The following MTNR1A variants were observed in gnomAD, a reference collection of about 807,000 sequenced individuals.
MTNR1A encodes melatonin receptor 1A.
In MTNR1A, 7 loss-of-function variants were observed where a neutral mutation model predicts 5.5. That is an observed-to-expected ratio of 1.28 (90% confidence interval 0.73 to 2.40). MTNR1A has a LOEUF of 2.40. MTNR1A is among the 30% of genes most tolerant of loss of function. The probability of loss-of-function intolerance (pLI) is 0.00; values close to 1 mark genes in which losing one functional copy is unlikely to be tolerated. For synonymous variants in MTNR1A, 196 were observed against 202.7 expected, an observed-to-expected ratio of 0.97 and a Z score of 0.28; for missense variants, 441 against 464.4, an observed-to-expected ratio of 0.95 and a Z score of 0.46.
At chr4:186,549,311 T>G (rs73024781) in intron 1 of MTNR1A, among the ~76,000 whole-genome samples, 1,798 of 152,310 alleles carry the variant, frequency 0.012, 36 homozygotes, top group African/African-American at 0.04. Context: ...TAATAACTAT[T>G]TGAGAAAACA....
intron 1 of MTNR1A, among the ~76,000 whole-genome samples, chr4:186,545,567 C>G (rs1332910433): frequency 6.6e-6 from 1 of 151,960 alleles, no homozygotes; most frequent in Non-Finnish European, 1.5e-5. Context: ...GCAGAAATTA[C>G]TTGCTCTTCC....
At chr4:186,550,510 G>C (rs1737247932) in intron 1 of MTNR1A, among the ~76,000 whole-genome samples, 1 of 152,204 alleles carries the variant, frequency 6.6e-6, no homozygotes, top group African/African-American at 2.4e-5. Flanking sequence ...GGCAGAATGA[G>C]CTCCAAAGAC....
intron 1 of MTNR1A, among the ~76,000 whole-genome samples, chr4:186,546,664 TCACACCCTGTTCATGCCACCCACAC>T (rs1440324600): frequency 5.1e-5 from 7 of 137,238 alleles, no homozygotes; most frequent in African/African-American, 1.8e-4. Flanking sequence ...GCCACCCACA[TCACACCCTGTTCATGCCACCCACAC>T]CACACCTGTT....
chr4:186,550,482 A>G (rs954596782), intron 1 of MTNR1A, among the ~76,000 whole-genome samples: 1 of 152,230 alleles, frequency 6.6e-6, no homozygotes, highest in Non-Finnish European at 1.5e-5. Context: ...TATTTTTAAA[A>G]GGTGCTAAGG....
chr4:186,534,140 A>G lies in MTNR1A; in HGVS notation c.602T>C (p.Ile201Thr). ...TCTCAGGTAACAGAAGATGACTATGATCATGGGGACGAGGAAGTGGAAAAC... is the reference window on the plus strand; with the variant it reads ...TCTCAGGTAACAGAAGATGACTATGGTCATGGGGACGAGGAAGTGGAAAAC... ...VVVFHFLVPMIIVIFCYLRIW... is the reference protein window; with the variant it reads ...VVVFHFLVPMTIVIFCYLRIW... Residue 201 changes from isoleucine (I) to threonine (T), a missense_variant, in exon 2 of 2, where the codon ATC becomes ACC. Ile to Thr is a moderately conservative substitution (Grantham distance 89). Coordinates refer to ENST00000307161, the MANE Select transcript of MTNR1A (RefSeq NM_005958.4). 4 of 1,613,830 alleles carry G rather than the reference A, an allele frequency of 2.5e-6. No homozygotes were observed. Among genetic ancestry groups the G allele is most frequent in the Non-Finnish European group, 3.4e-6 (4 of 1,179,756 alleles).
Position 186,543,758 on chromosome 4 carries a change from C to T in MTNR1A, c.185-9201G>A, listed in dbSNP as rs187479678. 6.1e-3 allele frequency among the ~76,000 whole-genome samples: 934 copies of T among 152,240 alleles called. 7 individuals carry two copies. The highest frequency in any genetic ancestry group is 0.011 in the Non-Finnish European group (744 of 68,020). ...GGGTTAATGTATTTTCAATTTTACA[C>T]GGGATAGTTGCTTTGTTAGATGGAA... On this transcript the variant is annotated intron_variant, in intron 1 of 1. Transcript: ENST00000307161.
intron 1 of MTNR1A, among the ~76,000 whole-genome samples, chr4:186,543,435 A>G (rs1419115305): frequency 1.3e-5 from 2 of 152,256 alleles, no homozygotes; most frequent in African/African-American, 4.8e-5. Context: ...AGAGGAAATG[A>G]GGAGGGAATG....
intron 1 of MTNR1A, among the ~76,000 whole-genome samples, chr4:186,548,065 T>C (rs1737194050): frequency 6.6e-6 from 1 of 152,070 alleles, no homozygotes; most frequent in Non-Finnish European, 1.5e-5. Context: ...GATGAAACTT[T>C]AACAAAAACA....
chr4:186,533,709 C>T lies in MTNR1A; in HGVS notation c.1033G>A (p.Val345Ile), dbSNP rs200192631. 1.9e-4 allele frequency: 308 copies of T among 1,614,060 alleles called. 1 individual carries two copies. Among genetic ancestry groups the T allele is most frequent in the Middle Eastern group, 1.3e-3 (8 of 6,062 alleles). The change falls in exon 2 of 2, where the codon GTA becomes ATA. Residue 345 changes from valine (V) to isoleucine (I), a missense_variant. By Grantham distance (29) the Val-to-Ile change is conservative. Coordinates refer to ENST00000307161, the MANE Select transcript of MTNR1A (RefSeq NM_005958.4). Reference sequence around the variant, plus strand: ...CTTTTTTAAACGGAGTCCACCTTTACTACATTATTGTTGGTCATCAGTGGA... The same window carrying T: ...CTTTTTTAAACGGAGTCCACCTTTATTACATTATTGTTGGTCATCAGTGGA... ...PSPLMTNNNV[V>I]KVDSV is the part of the protein sequence containing the mutation.
chr4:186,537,983 T>A (rs550691051), intron 1 of MTNR1A, among the ~76,000 whole-genome samples: 26 of 152,342 alleles, frequency 1.7e-4, no homozygotes, highest in Admixed American at 1.5e-3. Context: ...TTCCCAGGAA[T>A]AAAACCTTAA....
chr4:186,549,821 G>A (rs1228038807), intron 1 of MTNR1A, among the ~76,000 whole-genome samples: 2 of 152,138 alleles, frequency 1.3e-5, no homozygotes, highest in African/African-American at 4.8e-5. Context: ...TTTACATTCT[G>A]CCTTATACTC....
intron 1 of MTNR1A, among the ~76,000 whole-genome samples, chr4:186,547,642 C>T (rs1237487116): frequency 6.6e-6 from 1 of 152,226 alleles, no homozygotes; most frequent in Non-Finnish European, 1.5e-5. Context: ...CTCTAGTTCC[C>T]CACCTGTTCT....
chr4:186,534,150 C>G lies in MTNR1A; in HGVS notation c.592G>C (p.Val198Leu), dbSNP rs201798233. The change falls in exon 2 of 2, where the codon GTC becomes CTC. Residue 198 changes from valine (V) to leucine (L), a missense_variant. Physicochemically the swap from Val to Leu is conservative, Grantham distance 32 (BLOSUM62 1). Transcript: ENST00000307161. ...TIAVVVFHFL[V>L]PMIIVIFCYL... The stretch of plus-strand genomic sequence containing the variant: ...CAGAAGATGACTATGATCATGGGGA[C>G]GAGGAAGTGGAAAACCACCACGGCG... The G allele has an allele frequency of 6.2e-7, 1 of 1,613,412 alleles. No individual in the cohort carries two copies. The highest frequency in any genetic ancestry group is 8.5e-7 in the Non-Finnish European group (1 of 1,179,502).
At chr4:186,534,593 C>A in intron 1 of MTNR1A, 36 bp from the exon 2 acceptor site, 1 of 1,599,110 alleles carries the variant, frequency 6.3e-7, no homozygotes, top group East Asian at 2.2e-5. Context: ...CAGTGAATAC[C>A]AGTTCACAGT....
Position 186,534,502 on chromosome 4 carries a change from C to G in MTNR1A, c.240G>C (p.Pro80=), listed in dbSNP as rs149418383. The change falls in exon 2 of 2, where the codon CCG becomes CCC. Residue 80 remains proline, a synonymous_variant. Coordinates refer to ENST00000307161, the MANE Select transcript of MTNR1A (RefSeq NM_005958.4). Reference sequence around the variant, plus strand: ...ATATCGACATCAGCACCAACGGGTACGGATAAATGGCCACCACCAGGTCTG... The same window carrying G: ...ATATCGACATCAGCACCAACGGGTAGGGATAAATGGCCACCACCAGGTCTG... The part of the protein sequence containing the change: ...AVADLVVAIY[P]YPLVLMSIFN... The G allele has an allele frequency of 1.9e-6, 3 of 1,613,880 alleles. No homozygotes were observed. Among genetic ancestry groups the G allele is most frequent in the Middle Eastern group, 1.6e-4 (1 of 6,062 alleles).
intron 1 of MTNR1A, among the ~76,000 whole-genome samples, chr4:186,545,062 C>G (rs1737111794): frequency 6.6e-6 from 1 of 152,174 alleles, no homozygotes; most frequent in Non-Finnish European, 1.5e-5. Context: ...TTTCCCCTGC[C>G]CTGATCTGCT....
At chr4:186,539,895 C>T (rs1736970679) in intron 1 of MTNR1A, among the ~76,000 whole-genome samples, 1 of 152,234 alleles carries the variant, frequency 6.6e-6, no homozygotes, top group Non-Finnish European at 1.5e-5. Context: ...TCTCCATAGA[C>T]ACCCAAATTC....
chr4:186,552,525 G>A (rs993043291), intron 1 of MTNR1A, among the ~76,000 whole-genome samples: 4 of 152,156 alleles, frequency 2.6e-5, no homozygotes, highest in Non-Finnish European at 4.4e-5. Flanking sequence ...TAGGTCTATA[G>A]TGCAATGATT....
At chr4:186,534,587 G>A in intron 1 of MTNR1A, 30 bp from the exon 2 acceptor site, 1 of 1,603,184 alleles carries the variant, frequency 6.2e-7, no homozygotes. Flanking sequence ...AAAATACAGT[G>A]AATACCAGTT....
Sources: gnomAD v4.1 joint callset for allele counts (sites outside exome capture counted in the v4.1 genomes callset) on GRCh38, gnomAD v4.1.1 for gene constraint, MANE v1.5 for transcripts, NCBI Gene and HGNC (gene_info 2026-07-23, HGNC 2026-07-21) for gene names.